Variants in PHF24 observed in about 807,000 individuals in gnomAD.
The protein encoded by PHF24 is Galpha inhibitory interacting protein.
Under a neutral mutation model 42.6 loss-of-function variants are expected in PHF24, and 25 were observed. The observed-to-expected ratio is 0.59, with a 90% CI of 0.43 to 0.82. The LOEUF is 0.82. Among genes scored for constraint, PHF24 ranks in the 40% least tolerant of loss-of-function variants. The pLI is 0.00. For missense variants in PHF24, 470 were observed against 538.1 expected (o/e 0.87, Z 1.25); for synonymous variants, 185 against 204.8 (o/e 0.90, Z 0.83).
the PHF24 span, among the ~76,000 whole-genome samples, chr9:34,871,591 G>A: frequency 9.2e-5 from 14 of 152,082 alleles, no homozygotes; most frequent in African/African-American, 3.4e-4. Context: ...TTAGGTCTAT[G>A]ATCCATTTTG....
At chr9:34,798,881 T>A in the PHF24 span, among the ~76,000 whole-genome samples, 1 of 152,214 alleles carries the variant, frequency 6.6e-6, no homozygotes, top group African/African-American at 2.4e-5. Context: ...ATTTTTGACT[T>A]TTTAACAATA....
the PHF24 span, among the ~76,000 whole-genome samples, chr9:34,897,196 C>T: frequency 6.6e-6 from 1 of 152,100 alleles, no homozygotes; most frequent in Non-Finnish European, 1.5e-5. Flanking sequence ...GTATTTGATC[C>T]TTCCTCCAGC....
At chr9:34,706,848 G>A in the PHF24 span, among the ~76,000 whole-genome samples, 4 of 152,028 alleles carry the variant, frequency 2.6e-5, no homozygotes, top group African/African-American at 4.8e-5. Context: ...GGAAAATGCC[G>A]GGCATAGAGG....
At chr9:34,740,913 TC>T in the PHF24 span, among the ~76,000 whole-genome samples, 1 of 151,944 alleles carries the variant, frequency 6.6e-6, no homozygotes, top group Non-Finnish European at 1.5e-5. Context: ...GTTATGGAGT[TC>T]CACTCTTGTC....
chr9:34,813,608 G>A, the PHF24 span, among the ~76,000 whole-genome samples: 12 of 152,316 alleles, frequency 7.9e-5, no homozygotes, highest in East Asian at 2.1e-3. Context: ...CTTCTTGCTG[G>A]ATGTCAACTG....
At chr9:34,707,305 T>C in the PHF24 span, among the ~76,000 whole-genome samples, 1 of 152,166 alleles carries the variant, frequency 6.6e-6, no homozygotes, top group East Asian at 1.9e-4. Flanking sequence ...GCGAGACTGA[T>C]GTCCAATGAT....
chr9:34,832,797 T>C, the PHF24 span: 1 of 1,551,468 alleles, frequency 6.4e-7, no homozygotes, highest in Non-Finnish European at 8.7e-7. Flanking sequence ...CAGGAAAGGC[T>C]GACCCTGTGA....
the PHF24 span, among the ~76,000 whole-genome samples, chr9:34,911,519 C>G: frequency 6.6e-6 from 1 of 151,992 alleles, no homozygotes; most frequent in Non-Finnish European, 1.5e-5. Context: ...CCCAAAGTGC[C>G]GGGATTACAG....
the PHF24 span, among the ~76,000 whole-genome samples, chr9:34,839,950 G>A: frequency 6.6e-6 from 1 of 152,102 alleles, no homozygotes; most frequent in African/African-American, 2.4e-5. Context: ...TAGGGAAAAG[G>A]ACTGTTCCAG....
chr9:34,821,097 T>C, the PHF24 span, among the ~76,000 whole-genome samples: 1 of 152,196 alleles, frequency 6.6e-6, no homozygotes, highest in Non-Finnish European at 1.5e-5. Context: ...AGCATGTTGT[T>C]GGGTCTTACT....
chr9:34,815,270 GT>G, the PHF24 span, among the ~76,000 whole-genome samples: 1 of 152,102 alleles, frequency 6.6e-6, no homozygotes, highest in Non-Finnish European at 1.5e-5. Flanking sequence ...TGGTTAATCT[GT>G]GTTGTTATTA....
chr9:34,931,658 G>A, the PHF24 span, among the ~76,000 whole-genome samples: 1 of 152,142 alleles, frequency 6.6e-6, no homozygotes, highest in East Asian at 1.9e-4. Flanking sequence ...GCAAGTGCTT[G>A]CTCCTGCTTT....
chr9:34,875,314 T>G, the PHF24 span, among the ~76,000 whole-genome samples: 1 of 152,192 alleles, frequency 6.6e-6, no homozygotes. Context: ...TAACCAACTT[T>G]AAACAAAATG....
the PHF24 span, among the ~76,000 whole-genome samples, chr9:34,884,765 G>A: frequency 6.6e-6 from 1 of 152,188 alleles, no homozygotes; most frequent in Admixed American, 6.5e-5. Flanking sequence ...TCCCTGGAGG[G>A]TGGCAAGAGG....
chr9:34,944,784 G>C, the PHF24 span, among the ~76,000 whole-genome samples: 1 of 151,834 alleles, frequency 6.6e-6, no homozygotes, highest in South Asian at 2.1e-4. Context: ...CCTGAAGTGG[G>C]AGGATTGCTT....
chr9:34,726,909 C>G, the PHF24 span: 1 of 1,551,728 alleles, frequency 6.4e-7, no homozygotes, highest in Non-Finnish European at 8.7e-7. Context: ...ATCTCCAGAG[C>G]CACAGAATTG....
At chr9:34,934,534 C>T in the PHF24 span, among the ~76,000 whole-genome samples, 1 of 151,860 alleles carries the variant, frequency 6.6e-6, no homozygotes, top group Admixed American at 6.6e-5. Flanking sequence ...CCCCAGCCCC[C>T]CCTTCCTACT....
At chr9:34,802,491 C>T in the PHF24 span, among the ~76,000 whole-genome samples, 1 of 152,120 alleles carries the variant, frequency 6.6e-6, no homozygotes, top group African/African-American at 2.4e-5. Flanking sequence ...GAACTTCCAC[C>T]CATTATGTTT....
At chr9:34,838,275 A>AG in the PHF24 span, 1 of 676,428 alleles carries the variant, frequency 1.5e-6, no homozygotes, top group South Asian at 1.7e-5. Flanking sequence ...GGGGTCAATA[A>AG]GGAAGGACTC....
Sources: allele counts gnomAD v4.1 joint callset (sites outside exome capture counted in the v4.1 genomes callset), GRCh38; gene constraint gnomAD v4.1.1; transcripts MANE v1.5; gene names NCBI Gene and HGNC (gene_info 2026-07-23, HGNC 2026-07-21).